The following TAOK1 variants were observed in gnomAD, a reference collection of about 807,000 sequenced individuals.
TAOK1 encodes TAO kinase 1, also known as serine/threonine-protein kinase TAO1.
Under a neutral mutation model 138.3 loss-of-function variants are expected in TAOK1, and 21 were observed. The observed-to-expected ratio is 0.15, with a 90% CI of 0.11 to 0.22. TAOK1 has a LOEUF of 0.22. Among genes scored for constraint, TAOK1 ranks in the 10% least tolerant of loss-of-function variants. The pLI is 1.00. For missense variants in TAOK1, 651 were observed against 1,227.7 expected (o/e 0.53, Z 7.02); for synonymous variants, 361 against 398.4 (o/e 0.91, Z 1.12).
chr17:29,468,498 T>TA (rs1486487597), intron 3 of TAOK1, among the ~76,000 whole-genome samples: 1 of 151,990 alleles, frequency 6.6e-6, no homozygotes, highest in Non-Finnish European at 1.5e-5. Flanking sequence ...TATCAGTTTC[T>TA]AAAAAATTAA....
chr17:29,491,145 TA>T (rs1453725980), intron 9 of TAOK1, among the ~76,000 whole-genome samples: 7 of 152,208 alleles, frequency 4.6e-5, no homozygotes, highest in African/African-American at 1.7e-4. Context: ...ACAAGGAACT[TA>T]AAATCTTATT....
intron 2 of TAOK1, among the ~76,000 whole-genome samples, chr17:29,458,045 G>T (rs1043589601): frequency 6.6e-6 from 1 of 151,980 alleles, no homozygotes; most frequent in Non-Finnish European, 1.5e-5. Flanking sequence ...GGGAGGTGGA[G>T]CTTGCAGTGA....
chr17:29,442,161 A>G (rs925115106), intron 1 of TAOK1, among the ~76,000 whole-genome samples: 4 of 149,814 alleles, frequency 2.7e-5, no homozygotes, highest in East Asian at 1.9e-4. Context: ...TCCCACCTCA[A>G]CCTCCTCCCA....
Position 29,551,801 on chromosome 17 carries a change from G to A in TAOK1, c.*8779G>A, listed in dbSNP as rs992914021. ...TACCAAGTTGTCAGAACATAAGAGCGAAAACAAGGTCATATGTAATATTTT... is the reference window on the plus strand; with the variant it reads ...TACCAAGTTGTCAGAACATAAGAGCAAAAACAAGGTCATATGTAATATTTT... On this transcript the variant is annotated 3_prime_UTR_variant, in exon 20 of 20. Transcript: ENST00000261716. The A allele has an allele frequency of 6.6e-5, 10 of 152,572 alleles. No homozygotes were observed. Among genetic ancestry groups the A allele is most frequent in the Non-Finnish European group, 1.5e-4 (10 of 68,016 alleles). 9.5% of individuals were successfully genotyped at this position (152,572 alleles called of 1,614,324 possible).
At chr17:29,493,365 A>C (rs1275861268) in intron 10 of TAOK1, among the ~76,000 whole-genome samples, 1 of 151,716 alleles carries the variant, frequency 6.6e-6, no homozygotes, top group Non-Finnish European at 1.5e-5. Flanking sequence ...GTGGTGGCGC[A>C]TGCCTGTAAT....
chr17:29,397,617 T>A (rs76795449), intron 1 of TAOK1, among the ~76,000 whole-genome samples: 3,406 of 35,770 alleles, frequency 0.095, 187 homozygotes, highest in African/African-American at 0.1. Context: ...CAAAAAAATA[T>A]ATATATATAT....
rs2032480589 is a variant in TAOK1 at position 29,550,874 on chromosome 17, T to C, written c.*7852T>C. 6.6e-6 allele frequency: 1 copy of C among 152,630 alleles called. No individual in the cohort carries two copies. Among genetic ancestry groups the C allele is most frequent in the Non-Finnish European group, 1.5e-5 (1 of 68,048 alleles). The allele number at this position is 152,630 out of a possible 1,614,324, so 9.5% of individuals were successfully genotyped here. ...TTTTCTTCACTTCCCTCTTCCTTTC[T>C]ACTAACTCCTTCCTTAAAGGCCATA... On this transcript the variant is annotated 3_prime_UTR_variant, in exon 20 of 20. Transcript: ENST00000261716.
intron 1 of TAOK1, among the ~76,000 whole-genome samples, chr17:29,393,611 C>G (rs1416076468): frequency 6.6e-6 from 1 of 152,190 alleles, no homozygotes; most frequent in East Asian, 1.9e-4. Context: ...TACAAAATGG[C>G]AGTGTACATC....
intron 1 of TAOK1, among the ~76,000 whole-genome samples, chr17:29,431,284 G>T (rs961166951): frequency 6.6e-6 from 1 of 152,066 alleles, no homozygotes; most frequent in Non-Finnish European, 1.5e-5. Context: ...CTACTAAAAA[G>T]AAAACATATT....
At chr17:29,535,261 T>C (rs866583201) in intron 19 of TAOK1, among the ~76,000 whole-genome samples, 1 of 151,720 alleles carries the variant, frequency 6.6e-6, no homozygotes. Flanking sequence ...CAGTAAGCCA[T>C]GGCTGCACCA....
intron 18 of TAOK1, among the ~76,000 whole-genome samples, chr17:29,532,355 G>T (rs2681183): frequency 0.87 from 128,732 of 147,622 alleles, 56,267 homozygotes; most frequent in Middle Eastern, 0.94. Context: ...TTTGTTTGTG[G>T]TTTTTTTTTT....
intron 8 of TAOK1, among the ~76,000 whole-genome samples, chr17:29,485,302 A>C (rs2031148000): frequency 6.6e-6 from 1 of 152,222 alleles, no homozygotes; most frequent in Non-Finnish European, 1.5e-5. Flanking sequence ...GTATAAAATT[A>C]TAGAAATACA....
intron 1 of TAOK1, among the ~76,000 whole-genome samples, chr17:29,447,017 G>A (rs2030098136): frequency 6.6e-6 from 1 of 150,790 alleles, no homozygotes; most frequent in Non-Finnish European, 1.5e-5. Flanking sequence ...TGGTATTACA[G>A]GAGTCAGCCA....
At chr17:29,444,104 G>T (rs2030015709) in intron 1 of TAOK1, among the ~76,000 whole-genome samples, 1 of 133,244 alleles carries the variant, frequency 7.5e-6, no homozygotes, top group South Asian at 2.7e-4. Flanking sequence ...GACAGAGTGA[G>T]ACTGTCTCAG....
intron 19 of TAOK1, among the ~76,000 whole-genome samples, chr17:29,535,438 G>A (rs1598528617): frequency 2.6e-5 from 4 of 152,244 alleles, no homozygotes; most frequent in South Asian, 4.1e-4. Context: ...GTCGGTTATC[G>A]CATTTAATAC....
chr17:29,482,765 G>A (rs921966278), intron 8 of TAOK1, among the ~76,000 whole-genome samples: 11 of 151,048 alleles, frequency 7.3e-5, no homozygotes, highest in Admixed American at 5.3e-4. Flanking sequence ...AAGACGGTAA[G>A]GCCGACTTCA....
At position 29,543,142 on chromosome 17, in the gene TAOK1, A is replaced by G; in HGVS notation, c.*120A>G. 2.5e-6 allele frequency: 2 copies of G among 814,016 alleles called. No individual in the cohort carries two copies. Among genetic ancestry groups the G allele is most frequent in the East Asian group, 2.8e-5 (1 of 36,062 alleles). 50.4% of individuals were successfully genotyped at this position (814,016 alleles called of 1,614,324 possible). On this transcript the variant is annotated 3_prime_UTR_variant, in exon 20 of 20. Transcript: ENST00000261716. ...AGTGTGGAAGCTGAGTGCATATGGT[A>G]TATTTTATTCATTTTTGTAAAGCGT... is the stretch of plus-strand genomic sequence containing the variant.
At chr17:29,484,066 T>G (rs1440662728) in intron 8 of TAOK1, among the ~76,000 whole-genome samples, 1 of 152,214 alleles carries the variant, frequency 6.6e-6, no homozygotes, top group Non-Finnish European at 1.5e-5. Flanking sequence ...AGGTATTTGT[T>G]GGCTCATTGT....
rs568036486 is a variant in TAOK1, at chr17:29,504,649, G to A, written c.1338+1926G>A. Among the ~76,000 whole-genome samples the A allele has an allele frequency of 4.6e-5, 7 of 152,140 alleles. No individual in the cohort carries two copies. In the South Asian group the frequency reaches 6.2e-4, roughly 14 times the overall value. ...CGCACTATTGCACTCCAGCCTGGGCGTCAGAGCGAGACTCTGTCTCAAAAA... is the reference window on the plus strand; with the variant it reads ...CGCACTATTGCACTCCAGCCTGGGCATCAGAGCGAGACTCTGTCTCAAAAA... On this transcript the variant is annotated intron_variant, in intron 13 of 19. Coordinates refer to ENST00000261716, the MANE Select transcript of TAOK1 (RefSeq NM_020791.4).
Sources: allele counts gnomAD v4.1 joint callset (sites outside exome capture counted in the v4.1 genomes callset), GRCh38; gene constraint gnomAD v4.1.1; transcripts MANE v1.5; gene names NCBI Gene and HGNC (gene_info 2026-07-23, HGNC 2026-07-21).